CERS4: variants seen among roughly 807,000 people sequenced by gnomAD.
CERS4 encodes the protein LAG1 homolog, ceramide synthase 4.
CERS4 carries 65 observed loss-of-function variants against 51.8 expected under a neutral mutation model. The observed-to-expected ratio is 1.26, with a 90% CI of 1.03 to 1.54. The LOEUF (loss-of-function observed/expected upper bound fraction) is 1.54, where lower values mean the gene tolerates loss of function less well. Among genes scored for constraint, CERS4 ranks in the 40% most tolerant of loss-of-function variants. The pLI is 0.00. For synonymous variants in CERS4, 228 were observed against 208.4 expected, an observed-to-expected ratio of 1.09 and a Z score of -0.81; for missense variants, 563 against 500.4, an observed-to-expected ratio of 1.13 and a Z score of -1.19.
At chr19:8,232,889 A>ATTTTTTTT (rs34774744) in intron 2 of CERS4, among the ~76,000 whole-genome samples, 4 of 59,172 alleles carry the variant, frequency 6.8e-5, no homozygotes, top group African/African-American at 2.6e-4. Flanking sequence ...TGCCTCGCTG[A>ATTTTTTTT]TTTTTTTTTT....
intron 2 of CERS4, among the ~76,000 whole-genome samples, chr19:8,236,175 A>T (rs1968244409): frequency 6.6e-6 from 1 of 152,154 alleles, no homozygotes; most frequent in Non-Finnish European, 1.5e-5. Flanking sequence ...GGCCTGGGTG[A>T]CAGAGTGAGA....
Position 8,261,767 on chromosome 19 carries a change from ATGT to A in CERS4, c.931_933del (p.Leu312del). The A allele has an allele frequency of 6.2e-7, 1 of 1,614,068 alleles. No homozygotes were observed. The highest frequency in any genetic ancestry group is 1.1e-5 in the South Asian group (1 of 91,086). On this transcript the variant is annotated inframe_deletion, in exon 11 of 12. Coordinates refer to ENST00000251363, the MANE Select transcript of CERS4 (RefSeq NM_024552.3). ...CTACTACTTCTTCAACGGGCTTCTG[ATGT>A]TGCTGCAGCTGCTGCACGTGTTCTG...
Position 8,210,678 on chromosome 19 carries a change from C to A in CERS4, c.-158-28C>A, listed in dbSNP as rs3745373. On this transcript the variant is annotated intron_variant, in intron 1 of 11. Coordinates refer to ENST00000251363, the MANE Select transcript of CERS4 (RefSeq NM_024552.3). The surrounding 1 kb of genome is among the most constrained non-coding windows in gnomAD (Gnocchi z 4.2). ...ATTGTCTTTGAAGCCCTCGGCCTCCCCCAGCCTCAAATGGGTCTGCCTTCC... is the reference window on the plus strand; with the variant it reads ...ATTGTCTTTGAAGCCCTCGGCCTCCACCAGCCTCAAATGGGTCTGCCTTCC... 2.2e-3 allele frequency: 329 copies of A among 152,320 alleles called. 5 individuals are homozygous for A. In the East Asian group the frequency reaches 0.053, roughly 25 times the overall value. 9.4% of individuals were successfully genotyped at this position (152,320 alleles called of 1,614,324 possible).
intron 2 of CERS4, among the ~76,000 whole-genome samples, chr19:8,248,239 T>C (rs939474459): frequency 1.3e-5 from 2 of 152,222 alleles, no homozygotes; most frequent in Non-Finnish European, 2.9e-5. Flanking sequence ...TTTATTCCCC[T>C]GCTGTGTCGC....
intron 2 of CERS4, among the ~76,000 whole-genome samples, chr19:8,239,925 T>C (rs1568518191): frequency 1.3e-5 from 2 of 152,158 alleles, no homozygotes. Context: ...CATTCTTTTC[T>C]TTCATGAAAC....
chr19:8,242,506 C>T (rs1294505029), intron 2 of CERS4, among the ~76,000 whole-genome samples: 1 of 152,186 alleles, frequency 6.6e-6, no homozygotes, highest in Non-Finnish European at 1.5e-5. Flanking sequence ...CACTGGCCAG[C>T]TCCTGACATC....
intron 2 of CERS4, among the ~76,000 whole-genome samples, chr19:8,233,824 G>C (rs1297703752): frequency 6.6e-6 from 1 of 151,556 alleles, no homozygotes; most frequent in Non-Finnish European, 1.5e-5. Context: ...ACCAACCCGG[G>C]TGACATGGCG....
chr19:8,255,889 C>G lies in CERS4; in HGVS notation c.468+10C>G. 6.2e-7 allele frequency: 1 copy of G among 1,613,578 alleles called. No homozygotes were observed. Among genetic ancestry groups the G allele is most frequent in the East Asian group, 2.2e-5 (1 of 44,882 alleles). On this transcript the variant is annotated intron_variant, in intron 6 of 11. Transcript: ENST00000251363. ...CTCGGTCCTGTACCACGTGAGTATA[C>G]CAGAGTATAGCTGACTGCTCACCTG... is the stretch of plus-strand genomic sequence containing the variant.
intron 2 of CERS4, among the ~76,000 whole-genome samples, chr19:8,233,218 T>C (rs970991691): frequency 6.6e-6 from 1 of 151,812 alleles, no homozygotes; most frequent in Non-Finnish European, 1.5e-5. Flanking sequence ...CAGGCTGGAG[T>C]GCAGTGCTGT....
At chr19:8,237,129 A>G (rs1968304160) in intron 2 of CERS4, among the ~76,000 whole-genome samples, 1 of 151,792 alleles carries the variant, frequency 6.6e-6, no homozygotes, top group South Asian at 2.1e-4. Context: ...AGAGACGATT[A>G]TAGATAAAGA....
In CERS4 at chr19:8,210,923, G is replaced by A. The variant is rs1967060504; in HGVS notation, c.-2+61G>A. On this transcript the variant is annotated intron_variant, in intron 2 of 11. Transcript: ENST00000251363. This position sits in a 1 kb window ranked among gnomAD's most constrained non-coding sequence, Gnocchi z 4.2. ...GCCTTGGTCGTTGAACTGGCTGTAG[G>A]GCCCCCAGGGAAAGGTTTCTGAGCT... The A allele has an allele frequency of 6.6e-6, 1 of 152,192 alleles. No individual in the cohort carries two copies. The allele number at this position is 152,192 out of a possible 1,614,324, so 9.4% of individuals were successfully genotyped here.
intron 9 of CERS4, 107 bp downstream of exon 9, chr19:8,257,184 CACCCCTCCT>C: frequency 1.6e-6 from 2 of 1,241,148 alleles, no homozygotes; most frequent in Non-Finnish European, 2.2e-6. Flanking sequence ...GATGGAGCCC[CACCCCTCCT>C]GTCTTTCTCG....
intron 2 of CERS4, among the ~76,000 whole-genome samples, chr19:8,212,632 TAA>T (rs1568492910): frequency 6.8e-6 from 1 of 146,980 alleles, no homozygotes; most frequent in African/African-American, 2.5e-5. Context: ...ACTGTTTTTT[TAA>T]TTATTATTTT....
chr19:8,252,038 G>A (rs116830978), intron 3 of CERS4, among the ~76,000 whole-genome samples: 2,351 of 149,522 alleles, frequency 0.016, 60 homozygotes, highest in African/African-American at 0.054. Flanking sequence ...ACCAGACTGC[G>A]CAACATGGTG....
intron 3 of CERS4, among the ~76,000 whole-genome samples, 177 bp from the exon 4 acceptor site, chr19:8,254,322 C>A (rs866256890): frequency 3.1e-3 from 119 of 38,696 alleles, no homozygotes; most frequent in East Asian, 5.1e-3. Context: ...TACTCTGTCT[C>A]AAAAAAAAAA....
Position 8,254,600 on chromosome 19 carries a change from G to A in CERS4, c.275G>A (p.Gly92Glu). Residue 92 changes from glycine to glutamate, a missense_variant, in exon 4 of 12, where the codon GGG becomes GAG. Coordinates refer to ENST00000251363, the MANE Select transcript of CERS4 (RefSeq NM_024552.3). ...CTGGAGAAACACTTCCTCACGGAAG[G>A]GCACAGGCCCAAGGAGGTGAGAGCC... ...ATLEKHFLTE[G>E]HRPKEPQLSL... is the part of the protein sequence containing the mutation. 6.2e-7 allele frequency: 1 copy of A among 1,609,874 alleles called. No individual in the cohort carries two copies. The highest frequency in any genetic ancestry group is 8.5e-7 in the Non-Finnish European group (1 of 1,178,606).
intron 2 of CERS4, among the ~76,000 whole-genome samples, chr19:8,235,574 A>G (rs1276639784): frequency 6.6e-6 from 1 of 150,590 alleles, no homozygotes; most frequent in Non-Finnish European, 1.5e-5. Flanking sequence ...AACCCTGTCA[A>G]AAAATAAATA....
At chr19:8,212,607 A>G (rs1265874609) in intron 2 of CERS4, among the ~76,000 whole-genome samples, 2 of 152,050 alleles carry the variant, frequency 1.3e-5, no homozygotes, top group Middle Eastern at 3.4e-3. Context: ...TTGATAATTC[A>G]GTAGCAGGCA....
chr19:8,245,506 C>T (rs1303619385), intron 2 of CERS4, among the ~76,000 whole-genome samples: 1 of 152,026 alleles, frequency 6.6e-6, no homozygotes, highest in Non-Finnish European at 1.5e-5. Flanking sequence ...GCCTCAGCCT[C>T]CTAAACACTG....
Sources: allele counts gnomAD v4.1 joint callset (sites outside exome capture counted in the v4.1 genomes callset), GRCh38; gene constraint gnomAD v4.1.1; non-coding constraint Gnocchi (gnomAD v3.1); transcripts MANE v1.5; gene names NCBI Gene and HGNC (gene_info 2026-07-23, HGNC 2026-07-21).